NBPF10: variants seen among roughly 807,000 people sequenced by gnomAD.
NBPF10 encodes the protein NBPF family member NBPF10.
NBPF10 carries 63 observed loss-of-function variants against 77.9 expected under a neutral mutation model. The ratio of observed to expected loss-of-function variants is 0.81; its 90% CI spans 0.66 to 1.00. The LOEUF is 1.00. NBPF10 is among the 50% of genes least tolerant of loss of function. The pLI, the probability that NBPF10 is intolerant of heterozygous loss-of-function variation, is 0.00. For synonymous variants in NBPF10, 146 were observed against 264.5 expected (o/e 0.55, Z 4.35); for missense variants, 522 against 679.8 (o/e 0.77, Z 2.58).
intron 29 of NBPF10, among the ~76,000 whole-genome samples, chr1:146,114,049 C>G (rs1553787045): frequency 4.7e-5 from 1 of 21,110 alleles, no homozygotes; most frequent in Non-Finnish European, 1.1e-4. Flanking sequence ...CACACACACA[C>G]ACACACACAC....
intron 81 of NBPF10, among the ~76,000 whole-genome samples, 188 bp downstream of exon 81, chr1:146,073,312 G>A (rs75556298): frequency 2.8e-4 from 2 of 7,076 alleles, no homozygotes; most frequent in Non-Finnish European, 5.0e-4. Context: ...TATAGTAAGT[G>A]AGTAAATGAT....
chr1:146,066,541 T>G (rs12128680), exon 90 of NBPF10: 285,426 of 675,224 alleles, frequency 0.42, 56,480 homozygotes, highest in Non-Finnish European at 0.45. Flanking sequence ...CTCTTCCACT[T>G]CCATCAGCAC....
chr1:146,129,010 G>T (rs1472730803), intron 11 of NBPF10, among the ~76,000 whole-genome samples: 1 of 151,430 alleles, frequency 6.6e-6, no homozygotes, highest in Non-Finnish European at 1.5e-5. Flanking sequence ...CAAAGACCAA[G>T]GGTAGATAAA....
Position 146,126,497 on chromosome 1 carries a change from A to C in NBPF10, c.1854-89T>G. The C allele has an allele frequency of 3.5e-5, 25 of 716,598 alleles. 2 individuals are homozygous for C. In the South Asian group the frequency reaches 3.8e-4, roughly 11 times the overall value. The allele number at this position is 716,598 out of a possible 1,614,324, so 44.4% of individuals were successfully genotyped here. A position where few individuals can be genotyped will look rare whatever the true frequency, so the allele number is the denominator to read the frequency against. ...AGATTTCATGGCTAACATAAGGAAG[A>C]GTTTGAAAAGAAAAAGGACAGATCC... On this transcript the variant is annotated intron_variant, in intron 13 of 89. Transcript: ENST00000583866.
At chr1:146,125,996 T>A (rs145469323) in intron 14 of NBPF10, among the ~76,000 whole-genome samples, 2,175 of 151,774 alleles carry the variant, frequency 0.014, 62 homozygotes, top group Middle Eastern at 0.024. Flanking sequence ...TCCAACATCT[T>A]GAGAGTAGGA....
intron 5 of NBPF10, among the ~76,000 whole-genome samples, chr1:146,139,265 ATTTTTTTT>A (rs10533520): frequency 7.1e-6 from 1 of 139,902 alleles, no homozygotes; most frequent in African/African-American, 2.6e-5. Flanking sequence ...ACGCCCAGCT[ATTTTTTTT>A]TTTTTTTTTG....
intron 89 of NBPF10, among the ~76,000 whole-genome samples, chr1:146,066,817 C>A (rs1404155154): frequency 4.6e-5 from 7 of 151,762 alleles, no homozygotes; most frequent in African/African-American, 1.7e-4. Context: ...GTGAATTGGC[C>A]AGGTGACATA....
intron 12 of NBPF10, among the ~76,000 whole-genome samples, 192 bp from the exon 13 acceptor site, chr1:146,127,271 C>A (rs1326689260): frequency 1.0e-5 from 1 of 95,362 alleles, no homozygotes; most frequent in South Asian, 3.1e-4. Context: ...GAGCCTTGGG[C>A]AAAATTCCCC....
intron 5 of NBPF10, among the ~76,000 whole-genome samples, chr1:146,139,092 CT>C (rs782186835): frequency 0.011 from 925 of 82,380 alleles, 10 homozygotes; most frequent in African/African-American, 0.038. Context: ...CAGAGACTTA[CT>C]TTTTTTTTTT....
chr1:146,139,108 T>C (rs1360602008), intron 5 of NBPF10, among the ~76,000 whole-genome samples: 1 of 126,574 alleles, frequency 7.9e-6, no homozygotes, highest in Admixed American at 7.9e-5. Context: ...TTTTTTTTTT[T>C]TTTTTTTTTG....
intron 71 of NBPF10, among the ~76,000 whole-genome samples, chr1:146,080,986 C>CACTT (rs1328274379): frequency 2.5e-5 from 2 of 79,252 alleles, no homozygotes; most frequent in East Asian, 5.8e-4. Context: ...CACACACACA[C>CACTT]ACACACACAC....
Position 146,068,587 on chromosome 1 carries a change from T to A in NBPF10, c.10862+185A>T, listed in dbSNP as rs587735983. On this transcript the variant is annotated intron_variant, in intron 87 of 89. Coordinates refer to ENST00000583866, the Ensembl canonical transcript of NBPF10. ...GTATGGTCAACCTATAGTAAGTGAG[T>A]AAATGATAAGGGGAGGAAGAAATGG... is the stretch of plus-strand genomic sequence containing the variant. Among the ~76,000 whole-genome samples, 34 of 28,562 alleles carry A rather than the reference T, an allele frequency of 1.2e-3. 16 individuals carry two copies. The highest frequency in any genetic ancestry group is 8.9e-4 in the Non-Finnish European group (10 of 11,292). The allele number at this position is 28,562 out of a possible 152,430, so 18.7% of individuals were successfully genotyped here.
In NBPF10 at chr1:146,135,624, G is replaced by C. The variant is rs79457095; in HGVS notation, c.1092-103C>G. ...GAGACAATGTCCTCAAGGAGACCTC[G>C]AAGCAGAAGGTCAGCACATGTGGAA... On this transcript the variant is annotated intron_variant, in intron 7 of 89. Coordinates refer to ENST00000583866, the Ensembl canonical transcript of NBPF10. 92 of 599,554 alleles carry C rather than the reference G, an allele frequency of 1.5e-4. 1 individual carries two copies. In the East Asian group the frequency reaches 1.9e-3, roughly 12 times the overall value. 37.1% of individuals were successfully genotyped at this position (599,554 alleles called of 1,614,324 possible).
chr1:146,076,238 GACACACACAC>G (rs1213507335), intron 77 of NBPF10, among the ~76,000 whole-genome samples, 197 bp from the exon 78 acceptor site: 1 of 5,324 alleles, frequency 1.9e-4, no homozygotes, highest in African/African-American at 4.0e-4. Flanking sequence ...AAGACAGATA[GACACACACAC>G]ACACACACAC....
intron 86 of NBPF10, among the ~76,000 whole-genome samples, chr1:146,069,335 C>A (rs1452082141): frequency 5.4e-5 from 5 of 91,926 alleles, no homozygotes; most frequent in African/African-American, 2.5e-4. Context: ...CAGGCATGGC[C>A]TGAGACTAGG....
At chr1:146,123,475 G>GACACACA (rs1658315266) in intron 17 of NBPF10, among the ~76,000 whole-genome samples, 197 bp from the exon 18 acceptor site, 1 of 33,672 alleles carries the variant, frequency 3.0e-5, no homozygotes, top group African/African-American at 1.2e-4. Flanking sequence ...AAGACAGATA[G>GACACACA]ACACACACAC....
chr1:146,142,898 T>G (rs1553797992), intron 1 of NBPF10, 146 bp from the exon 2 acceptor site: 1 of 459,266 alleles, frequency 2.2e-6, no homozygotes, highest in Non-Finnish European at 4.0e-6. Context: ...ATCTTTACTC[T>G]TCAGTCTCCT....
rs1553789437 is a variant in NBPF10 at position 146,125,459 on chromosome 1, A to C, written c.2078+6T>G. Reference sequence around the variant, plus strand: ...GAATTAAGCATCCATAATTGCTCAAAGTTACCTGGGGCATGATGGGTCTTG... The same window carrying C: ...GAATTAAGCATCCATAATTGCTCAACGTTACCTGGGGCATGATGGGTCTTG... On this transcript the variant is annotated splice_donor_region_variant and intron_variant, in intron 15 of 89. Coordinates refer to ENST00000583866, the Ensembl canonical transcript of NBPF10. 2.5e-6 allele frequency: 1 copy of C among 397,712 alleles called. No homozygotes were observed. The highest frequency in any genetic ancestry group is 3.8e-5 in the East Asian group (1 of 26,610). The allele number at this position is 397,712 out of a possible 1,614,324, so 24.6% of individuals were successfully genotyped here.
At chr1:146,125,927 C>A (rs587693189) in intron 14 of NBPF10, among the ~76,000 whole-genome samples, 1 of 151,550 alleles carries the variant, frequency 6.6e-6, no homozygotes, top group Non-Finnish European at 1.5e-5. Context: ...ATGAAATCTA[C>A]AAGATCTACA....
Sources: gnomAD v4.1 joint callset for allele counts (sites outside exome capture counted in the v4.1 genomes callset) on GRCh38, gnomAD v4.1.1 for gene constraint, MANE v1.5 for transcripts, NCBI Gene and HGNC (gene_info 2026-07-23, HGNC 2026-07-21) for gene names.